RABGEF1: variants seen among roughly 807,000 people sequenced by gnomAD.
RABGEF1 encodes the protein rab5 GDP/GTP exchange factor.
In RABGEF1, 26 loss-of-function variants were observed where a neutral mutation model predicts 57.3. The ratio of observed to expected loss-of-function variants is 0.45; its 90% CI spans 0.33 to 0.63. RABGEF1 has a LOEUF of 0.63. Ranked by LOEUF, RABGEF1 falls within the 20% of genes least tolerant of loss-of-function variation. The probability of loss-of-function intolerance (pLI) is 0.02; values close to 1 mark genes in which losing one functional copy is unlikely to be tolerated. For synonymous variants in RABGEF1, 185 were observed against 210.7 expected, an observed-to-expected ratio of 0.88 and a Z score of 1.06; for missense variants, 464 against 607.6, an observed-to-expected ratio of 0.76 and a Z score of 2.48.
intron 1 of RABGEF1, among the ~76,000 whole-genome samples, chr7:66,682,984 C>T (rs769812558): frequency 1.3e-5 from 2 of 152,114 alleles, no homozygotes; most frequent in Non-Finnish European, 1.5e-5. Flanking sequence ...AGTGACCAAT[C>T]CTTGTGGTTG....
chr7:66,722,086 G>A (rs964304643), intron 2 of RABGEF1, among the ~76,000 whole-genome samples: 21 of 152,146 alleles, frequency 1.4e-4, no homozygotes, highest in Admixed American at 6.6e-4. Context: ...GAGCCCAGGA[G>A]TTCAAGGTTT....
intron 2 of RABGEF1, among the ~76,000 whole-genome samples, chr7:66,721,269 A>C (rs1356665145): frequency 6.6e-6 from 1 of 152,194 alleles, no homozygotes; most frequent in Non-Finnish European, 1.5e-5. Flanking sequence ...CCTAGGAATA[A>C]ATTTAATAAG....
At chr7:66,717,310 G>T (rs977003432) in intron 2 of RABGEF1, among the ~76,000 whole-genome samples, 7 of 152,054 alleles carry the variant, frequency 4.6e-5, no homozygotes, top group African/African-American at 1.7e-4. Context: ...TATCATGTAG[G>T]TTCCTTTCCC....
chr7:66,749,949 G>A (rs1801055394), intron 1 of RABGEF1, among the ~76,000 whole-genome samples: 1 of 152,180 alleles, frequency 6.6e-6, no homozygotes, highest in Non-Finnish European at 1.5e-5. Flanking sequence ...ACTCCAGCGT[G>A]GGCGACAGAG....
At chr7:66,784,358 CA>C (rs2129143050) in intron 4 of RABGEF1, among the ~76,000 whole-genome samples, 1 of 152,236 alleles carries the variant, frequency 6.6e-6, no homozygotes, top group Admixed American at 6.5e-5. Context: ...AGTTGAGAGC[CA>C]AAGAGGATAA....
chr7:66,741,346 T>G (rs1798898019), intron 1 of RABGEF1, among the ~76,000 whole-genome samples: 2 of 152,180 alleles, frequency 1.3e-5, no homozygotes, highest in Admixed American at 1.3e-4. Flanking sequence ...CCTGTGGTCC[T>G]GACTTCCACC....
At position 66,744,191 on chromosome 7, in the gene RABGEF1, G is replaced by A. The variant is rs1390722067; in HGVS notation, c.-18+3399G>A. 3.3e-5 allele frequency among the ~76,000 whole-genome samples: 5 copies of A among 151,412 alleles called. No individual in the cohort carries two copies. In the East Asian group the frequency reaches 9.7e-4, roughly 29 times the overall value. On this transcript the variant is annotated intron_variant, in intron 1 of 8. Transcript: ENST00000284957. ...GCTGGGACTGACCATAGATAGGCGC[G>A]CGCCACCACGCCCAGCTAATTACTG...
In RABGEF1 at chr7:66,809,358, C is replaced by T. The variant is rs542556114; in HGVS notation, c.*74C>T. On this transcript the variant is annotated 3_prime_UTR_variant, in exon 9 of 9. Coordinates refer to ENST00000284957, the MANE Select transcript of RABGEF1 (RefSeq NM_014504.3). Reference sequence around the variant, plus strand: ...CTTACTACACTCAACTGATTGGGATCTAGAATGTAACTAAATTGCTTATAA... The same window carrying T: ...CTTACTACACTCAACTGATTGGGATTTAGAATGTAACTAAATTGCTTATAA... 98 of 1,449,064 alleles carry T rather than the reference C, an allele frequency of 6.8e-5. 1 individual carries two copies. In the South Asian group the frequency reaches 1.3e-3, roughly 19 times the overall value. 89.8% of individuals were successfully genotyped at this position (1,449,064 alleles called of 1,614,324 possible).
intron 1 of RABGEF1, among the ~76,000 whole-genome samples, chr7:66,744,939 TC>T (rs1799855904): frequency 6.6e-6 from 1 of 152,118 alleles, no homozygotes; most frequent in South Asian, 2.1e-4. Context: ...ACGCCTGTAA[TC>T]CCAGCACTTT....
chr7:66,684,024 C>G (rs1464835097), intron 1 of RABGEF1, among the ~76,000 whole-genome samples: 4 of 152,264 alleles, frequency 2.6e-5, no homozygotes, highest in South Asian at 4.1e-4. Flanking sequence ...TTACAGGCAT[C>G]GGCTCCCGAG....
At chr7:66,771,288 G>A (rs571295048) in intron 1 of RABGEF1, among the ~76,000 whole-genome samples, 2 of 152,038 alleles carry the variant, frequency 1.3e-5, no homozygotes, top group East Asian at 1.9e-4. Flanking sequence ...ACAGGCGCCC[G>A]CCACCACGCC....
chr7:66,661,680 T>C, the RABGEF1 span, among the ~76,000 whole-genome samples: 1 of 152,230 alleles, frequency 6.6e-6, no homozygotes, highest in African/African-American at 2.4e-5. Context: ...ACCAGTCAAT[T>C]CTACCAGACA....
chr7:66,720,447 C>T lies in RABGEF1; in HGVS notation c.-815+8223C>T, dbSNP rs78761617. 3.9e-3 allele frequency among the ~76,000 whole-genome samples: 586 copies of T among 151,554 alleles called. 4 individuals carry two copies. The highest frequency in any genetic ancestry group is 0.013 in the African/African-American group (555 of 41,334). ...TCCTAGCCTCAAGCGATCCACTCAC[C>T]TCAGCCTCCTAAAGTGCTAGGATTA... On this transcript the variant is annotated intron_variant and NMD_transcript_variant, in intron 2 of 9. Transcript: ENST00000607882.
At chr7:66,796,488 A>G (rs1371279992) in intron 5 of RABGEF1, among the ~76,000 whole-genome samples, 1 of 152,198 alleles carries the variant, frequency 6.6e-6, no homozygotes, top group Non-Finnish European at 1.5e-5. Flanking sequence ...AAGTCTCCCC[A>G]TTTGGCAGGG....
intron 7 of RABGEF1, among the ~76,000 whole-genome samples, chr7:66,800,395 A>G (rs1787012500): frequency 6.6e-6 from 1 of 151,904 alleles, no homozygotes; most frequent in Admixed American, 6.6e-5. Context: ...TGATTCTTCC[A>G]CTTTCTCGGG....
intron 2 of RABGEF1, among the ~76,000 whole-genome samples, chr7:66,730,071 C>T (rs1269609445): frequency 6.6e-6 from 1 of 152,232 alleles, no homozygotes; most frequent in Non-Finnish European, 1.5e-5. Flanking sequence ...CTCAGGGTGG[C>T]CTCCAAAAGT....
At chr7:66,672,158 C>T in the RABGEF1 span, among the ~76,000 whole-genome samples, 1 of 151,182 alleles carries the variant, frequency 6.6e-6, no homozygotes, top group South Asian at 2.1e-4. Flanking sequence ...CACGGTGGCT[C>T]ACGCCTGTAA....
At chr7:66,705,707 GT>G (rs1207988086) in intron 1 of RABGEF1, among the ~76,000 whole-genome samples, 29 of 134,912 alleles carry the variant, frequency 2.1e-4, no homozygotes, top group Admixed American at 2.9e-4. Flanking sequence ...TTTTTTTTTT[GT>G]TTTTTTTTGT....
chr7:66,707,803 A>G (rs932963703), intron 1 of RABGEF1, among the ~76,000 whole-genome samples: 1 of 152,214 alleles, frequency 6.6e-6, no homozygotes, highest in African/African-American at 2.4e-5. Context: ...TTCGGTGCAT[A>G]TAGGCTTACA....
Sources: allele counts gnomAD v4.1 joint callset (sites outside exome capture counted in the v4.1 genomes callset), GRCh38; gene constraint gnomAD v4.1.1; transcripts MANE v1.5; gene names NCBI Gene and HGNC (gene_info 2026-07-23, HGNC 2026-07-21).